FARS2: variants seen among roughly 807,000 people sequenced by gnomAD.
FARS2 encodes the protein phenylalanine--tRNA ligase, mitochondrial.
Under a neutral mutation model 46.4 loss-of-function variants are expected in FARS2, and 40 were observed. That is an observed-to-expected ratio of 0.86 (90% CI 0.67 to 1.12). The LOEUF (loss-of-function observed/expected upper bound fraction) is 1.12, where lower values mean the gene tolerates loss of function less well. Ranked by LOEUF, FARS2 falls within the 50% of genes most tolerant of loss-of-function variation. The pLI, the probability that FARS2 is intolerant of heterozygous loss-of-function variation, is 0.00. For synonymous variants in FARS2, 234 were observed against 214.9 expected (o/e 1.09, Z -0.78); for missense variants, 513 against 567.9 (o/e 0.90, Z 0.98).
At chr6:5,392,733 TATACACACACACACAC>T (rs1760604279) in intron 2 of FARS2, among the ~76,000 whole-genome samples, 1 of 85,136 alleles carries the variant, frequency 1.2e-5, no homozygotes, top group Non-Finnish European at 2.2e-5. Context: ...AATATATATA[TATACACACACACACAC>T]ACACACACAC....
chr6:5,568,201 C>G (rs570200695), intron 5 of FARS2, among the ~76,000 whole-genome samples: 1 of 152,178 alleles, frequency 6.6e-6, no homozygotes, highest in African/African-American at 2.4e-5. Flanking sequence ...TCTTGTCACT[C>G]TTGTAATATG....
At position 5,647,132 on chromosome 6, in the gene FARS2, C is replaced by T. The variant is rs537504678; in HGVS notation, c.1217+33812C>T. Among the ~76,000 whole-genome samples the T allele has an allele frequency of 2.6e-5, 4 of 152,274 alleles. No homozygotes were observed. The East Asian group carries it at 7.7e-4, about 29-fold the overall frequency. ...CCAACGGTAAAGGTAGAATTGTCTG[C>T]TATTGCTTACTACTCTTTTGTCAGG... is the stretch of plus-strand genomic sequence containing the variant. On this transcript the variant is annotated intron_variant, in intron 6 of 6. Coordinates refer to ENST00000274680, the MANE Select transcript of FARS2 (RefSeq NM_006567.5).
intron 2 of FARS2, 69 bp downstream of exon 2, chr6:5,369,251 T>G: frequency 6.8e-7 from 1 of 1,474,782 alleles, no homozygotes; most frequent in Non-Finnish European, 9.2e-7. Context: ...CACTAACATT[T>G]AGCTCGATGA....
chr6:5,493,223 A>AG (rs1243835323), intron 4 of FARS2, among the ~76,000 whole-genome samples: 5 of 151,780 alleles, frequency 3.3e-5, no homozygotes, highest in East Asian at 1.9e-4. Context: ...AAAAAAAAAA[A>AG]AAAAAGAAAA....
At chr6:5,460,073 T>C (rs1765155623) in intron 4 of FARS2, among the ~76,000 whole-genome samples, 1 of 152,252 alleles carries the variant, frequency 6.6e-6, no homozygotes, top group Admixed American at 6.5e-5. Flanking sequence ...CATTAGGTTA[T>C]TTTGACTGAT....
chr6:5,746,842 A>T (rs900524329), intron 6 of FARS2, among the ~76,000 whole-genome samples: 2 of 152,220 alleles, frequency 1.3e-5, no homozygotes, highest in Admixed American at 6.5e-5. Flanking sequence ...ACTAAGAAGG[A>T]GAAAGCTCTG....
rs550280447 is a variant in FARS2, at chr6:5,325,682, C to T, written c.-21-42868C>T. Among the ~76,000 whole-genome samples the T allele has an allele frequency of 7.9e-5, 12 of 152,260 alleles. No individual in the cohort carries two copies. In the South Asian group the frequency reaches 2.5e-3, roughly 32 times the overall value. On this transcript the variant is annotated intron_variant, in intron 1 of 6. Transcript: ENST00000274680. ...AATGGTGTACTTGTTTATGAACATGCTTCAATTTATCCTTTTTGATGAAAA... is the reference window on the plus strand; with the variant it reads ...AATGGTGTACTTGTTTATGAACATGTTTCAATTTATCCTTTTTGATGAAAA...
chr6:5,656,127 A>G (rs944537470), intron 6 of FARS2, among the ~76,000 whole-genome samples: 2 of 152,204 alleles, frequency 1.3e-5, no homozygotes, highest in Non-Finnish European at 2.9e-5. Context: ...TTCATCTCCA[A>G]GTACAATGGA....
chr6:5,489,406 A>G (rs1766968552), intron 4 of FARS2, among the ~76,000 whole-genome samples: 1 of 152,190 alleles, frequency 6.6e-6, no homozygotes, highest in East Asian at 1.9e-4. Context: ...GTGAGCTGAG[A>G]TGGCACCACT....
At chr6:5,463,094 G>C (rs1175660885) in intron 4 of FARS2, among the ~76,000 whole-genome samples, 3 of 152,214 alleles carry the variant, frequency 2.0e-5, no homozygotes, top group Non-Finnish European at 4.4e-5. Flanking sequence ...GAAAGCTGGA[G>C]GCCGGACCCT....
chr6:5,470,859 C>G (rs1765770294), intron 4 of FARS2, among the ~76,000 whole-genome samples: 1 of 152,134 alleles, frequency 6.6e-6, no homozygotes, highest in Non-Finnish European at 1.5e-5. Context: ...ATTTTTTTAT[C>G]TTTTTAATAT....
chr6:5,770,357 T>G (rs1421391903), intron 6 of FARS2, among the ~76,000 whole-genome samples: 1 of 152,144 alleles, frequency 6.6e-6, no homozygotes, highest in Non-Finnish European at 1.5e-5. Context: ...TGTTTCAGTT[T>G]CCTCCCCCAA....
chr6:5,645,349 G>C (rs1391425646), intron 6 of FARS2, among the ~76,000 whole-genome samples: 11 of 152,188 alleles, frequency 7.2e-5, no homozygotes, highest in Admixed American at 6.5e-4. Context: ...TATTCAATTA[G>C]AGTCACAAGC....
intron 6 of FARS2, among the ~76,000 whole-genome samples, chr6:5,751,395 A>G (rs1200117705): frequency 6.6e-6 from 1 of 152,164 alleles, no homozygotes; most frequent in Non-Finnish European, 1.5e-5. Flanking sequence ...AGTAGACACC[A>G]TTTTCCTGTT....
chr6:5,431,146 T>C lies in FARS2; in HGVS notation c.878T>C (p.Val293Ala). 6.2e-7 allele frequency: 1 copy of C among 1,613,824 alleles called. No individual in the cohort carries two copies. The highest frequency in any genetic ancestry group is 2.2e-5 in the East Asian group (1 of 44,868). Residue 293 changes from valine (V) to alanine (A), a missense_variant, in exon 4 of 7, where the codon GTG becomes GCG. Val to Ala is a moderately conservative substitution (Grantham distance 64). Transcript: ENST00000274680. ...TGGCTGGAAGTTCTTGGCTGCGGGG[T>C]GATGGAACAACAACTGGTCAATTCA... is the stretch of plus-strand genomic sequence containing the variant. ...GEWLEVLGCGVMEQQLVNSAG... is the reference protein window; with the variant it reads ...GEWLEVLGCGAMEQQLVNSAG...
intron 1 of FARS2, among the ~76,000 whole-genome samples, chr6:5,338,122 T>C (rs1771290606): frequency 6.6e-6 from 1 of 152,188 alleles, no homozygotes; most frequent in Non-Finnish European, 1.5e-5. Context: ...AATAATGAGT[T>C]CACTGATTCA....
chr6:5,337,705 C>T (rs1008976116), intron 1 of FARS2, among the ~76,000 whole-genome samples: 1 of 152,178 alleles, frequency 6.6e-6, no homozygotes, highest in Non-Finnish European at 1.5e-5. Context: ...CTTGAGCATT[C>T]AGGATATACC....
chr6:5,615,755 G>A (rs1239899728), intron 6 of FARS2, among the ~76,000 whole-genome samples: 1 of 152,098 alleles, frequency 6.6e-6, no homozygotes, highest in Non-Finnish European at 1.5e-5. Flanking sequence ...GGGGGAGGTT[G>A]AGGGTTGGCA....
At chr6:5,429,594 C>G (rs1338531098) in intron 3 of FARS2, among the ~76,000 whole-genome samples, 2 of 152,048 alleles carry the variant, frequency 1.3e-5, no homozygotes, top group African/African-American at 2.4e-5. Flanking sequence ...TTGCTTGAGG[C>G]CAGAAGTTCA....
Sources: allele counts gnomAD v4.1 joint callset (sites outside exome capture counted in the v4.1 genomes callset), GRCh38; gene constraint gnomAD v4.1.1; transcripts MANE v1.5; gene names NCBI Gene and HGNC (gene_info 2026-07-23, HGNC 2026-07-21).